Variants in SYT1 observed in about 807,000 individuals in gnomAD.
SYT1 encodes the protein synaptotagmin-1.
In SYT1, 8 loss-of-function variants were observed where a neutral mutation model predicts 44.8. The ratio of observed to expected loss-of-function variants is 0.18; its 90% confidence interval spans 0.10 to 0.32. The LOEUF (loss-of-function observed/expected upper bound fraction) is 0.32. SYT1 is among the 10% of genes least tolerant of loss of function. The pLI is 1.00. For synonymous variants in SYT1, 154 were observed against 188.8 expected, an observed-to-expected ratio of 0.82 and a Z score of 1.51; for missense variants, 286 against 509.3, an observed-to-expected ratio of 0.56 and a Z score of 4.22.
intron 3 of SYT1, among the ~76,000 whole-genome samples, chr12:79,109,031 T>C (rs1878868788): frequency 6.6e-6 from 1 of 152,084 alleles, no homozygotes; most frequent in Non-Finnish European, 1.5e-5. Flanking sequence ...AGGGCAGGGT[T>C]CAAGGAAAAG....
rs115518029 is a variant in SYT1 at position 79,255,976 on chromosome 12, G to T, written c.167-29811G>T. ...TGTGTAATCATAAATTAATTACCAA[G>T]ATTATGATTATCCCAATTTTAAACA... On this transcript the variant is annotated intron_variant, in intron 4 of 10. Transcript: ENST00000261205. Among the ~76,000 whole-genome samples the T allele has an allele frequency of 8.0e-3, 1,215 of 152,246 alleles. 11 individuals are homozygous for T. Among genetic ancestry groups the T allele is most frequent in the African/African-American group, 0.026 (1,088 of 41,540 alleles).
chr12:79,135,074 TATC>T (rs1249141798), intron 3 of SYT1, among the ~76,000 whole-genome samples: 4 of 152,134 alleles, frequency 2.6e-5, no homozygotes, highest in Admixed American at 6.5e-5. Flanking sequence ...TGTACTAAAA[TATC>T]ATGTTGTACA....
chr12:78,919,047 T>C (rs777996456), intron 1 of SYT1, among the ~76,000 whole-genome samples: 6 of 152,038 alleles, frequency 3.9e-5, no homozygotes, highest in Non-Finnish European at 5.9e-5. Context: ...AAAGCATTGA[T>C]GTGAAAACAA....
intron 3 of SYT1, among the ~76,000 whole-genome samples, chr12:79,052,378 T>C (rs1445174522): frequency 2.0e-5 from 3 of 152,096 alleles, no homozygotes; most frequent in African/African-American, 4.8e-5. Context: ...AAGACTTACA[T>C]GTTAGACCTA....
In SYT1 at chr12:78,894,612, G is replaced by A. The variant is rs537311555; in HGVS notation, c.-217+29503G>A. Among the ~76,000 whole-genome samples the A allele has an allele frequency of 2.6e-5, 4 of 151,574 alleles. No homozygotes were observed. The South Asian group carries it at 8.3e-4, about 31-fold the overall frequency. On this transcript the variant is annotated intron_variant, in intron 1 of 10. Transcript: ENST00000261205. ...AGTGCTTATCAGAGATCTTGGACAA[G>A]GATGACAACTCATTATGAGCTAGTT...
chr12:79,018,525 T>C (rs1245994718), intron 2 of SYT1, among the ~76,000 whole-genome samples: 1 of 152,054 alleles, frequency 6.6e-6, no homozygotes, highest in African/African-American at 2.4e-5. Context: ...ATTAAAGTCT[T>C]TCCTCTTATA....
intron 1 of SYT1, among the ~76,000 whole-genome samples, chr12:78,920,941 T>G (rs1247881139): frequency 1.3e-5 from 2 of 151,892 alleles, no homozygotes; most frequent in Non-Finnish European, 2.9e-5. Flanking sequence ...CAGTCAGACT[T>G]GAGTCCATAG....
chr12:79,199,674 C>A (rs1873666952), intron 3 of SYT1, among the ~76,000 whole-genome samples: 1 of 152,110 alleles, frequency 6.6e-6, no homozygotes, highest in African/African-American at 2.4e-5. Flanking sequence ...AGTTTACTCA[C>A]ATTTATGTTT....
At chr12:78,914,259 C>G (rs1876515079) in intron 1 of SYT1, among the ~76,000 whole-genome samples, 1 of 151,672 alleles carries the variant, frequency 6.6e-6, no homozygotes, top group Admixed American at 6.6e-5. Flanking sequence ...TGAAGATACC[C>G]TGGAAACTAT....
chr12:79,382,165 T>C (rs1008852403), intron 9 of SYT1, among the ~76,000 whole-genome samples: 2 of 152,194 alleles, frequency 1.3e-5, no homozygotes, highest in African/African-American at 4.8e-5. Flanking sequence ...TGCGAGTCTG[T>C]TGCTTTAGGG....
At position 79,313,223 on chromosome 12, in the gene SYT1, G is replaced by A. The variant is rs1880895206; in HGVS notation, c.810+13672G>A. 2.0e-5 allele frequency among the ~76,000 whole-genome samples: 3 copies of A among 152,178 alleles called. No individual in the cohort carries two copies. The South Asian group carries it at 6.2e-4, about 32-fold the overall frequency. On this transcript the variant is annotated intron_variant, in intron 8 of 10. Transcript: ENST00000261205. ...AGATAGCTTTTACAGTTTCACATGT[G>A]TACATAGGTTCCCTCCCAGTCCCTT...
chr12:79,449,392 C>CTGT lies in SYT1; in HGVS notation c.*272_*274dup, dbSNP rs762381841. Reference sequence around the variant, plus strand: ...GAATGAAATTATTTATTGTATCACACTGTTGTATATACCAGTATGCTAAAG... The same window carrying CTGT: ...GAATGAAATTATTTATTGTATCACACTGTTGTTGTATATACCAGTATGCTAAAG... On this transcript the variant is annotated 3_prime_UTR_variant, in exon 11 of 11. Coordinates refer to ENST00000261205, the MANE Select transcript of SYT1 (RefSeq NM_005639.3). 32 of 446,838 alleles carry CTGT rather than the reference C, an allele frequency of 7.2e-5. No homozygotes were observed. Among genetic ancestry groups the CTGT allele is most frequent in the Non-Finnish European group, 1.2e-4 (30 of 246,182 alleles). The allele number at this position is 446,838 out of a possible 1,614,324, so 27.7% of individuals were successfully genotyped here. A position where few individuals can be genotyped will look rare whatever the true frequency, so the allele number is the denominator to read the frequency against.
chr12:79,117,683 AT>A (rs1424713197), intron 3 of SYT1, among the ~76,000 whole-genome samples: 2 of 73,494 alleles, frequency 2.7e-5, no homozygotes, highest in Non-Finnish European at 5.6e-5. Flanking sequence ...ATATATATAT[AT>A]ATATATATAT....
At chr12:78,948,692 G>T (rs1243047287) in intron 1 of SYT1, among the ~76,000 whole-genome samples, 1 of 151,900 alleles carries the variant, frequency 6.6e-6, no homozygotes, top group Non-Finnish European at 1.5e-5. Flanking sequence ...ATCTGGTCAA[G>T]AATTCATTTT....
At chr12:79,283,869 G>T (rs1879173331) in intron 4 of SYT1, among the ~76,000 whole-genome samples, 1 of 151,106 alleles carries the variant, frequency 6.6e-6, no homozygotes, top group Admixed American at 6.6e-5. Context: ...ATGTCCTTAG[G>T]TTAACATCTA....
At chr12:78,953,418 A>G (rs1488736427) in intron 1 of SYT1, among the ~76,000 whole-genome samples, 1 of 152,014 alleles carries the variant, frequency 6.6e-6, no homozygotes. Context: ...TCACCTTTTT[A>G]TTTCCAGCAT....
chr12:79,133,254 C>T (rs752022319), intron 3 of SYT1, among the ~76,000 whole-genome samples: 1 of 152,084 alleles, frequency 6.6e-6, no homozygotes, highest in Non-Finnish European at 1.5e-5. Flanking sequence ...TGCAGTGGCT[C>T]ACACCTGTAA....
intron 9 of SYT1, among the ~76,000 whole-genome samples, chr12:79,363,799 A>G (rs1883424437): frequency 6.6e-6 from 1 of 151,520 alleles, no homozygotes; most frequent in African/African-American, 2.4e-5. Flanking sequence ...TACTGTTTCT[A>G]CTTGGTTCCT....
At chr12:79,389,468 A>G (rs1884568461) in intron 9 of SYT1, among the ~76,000 whole-genome samples, 2 of 152,212 alleles carry the variant, frequency 1.3e-5, no homozygotes, top group South Asian at 4.1e-4. Context: ...GCACTGTGCT[A>G]AGAATTTTAT....
Sources: gnomAD v4.1 joint callset for allele counts (sites outside exome capture counted in the v4.1 genomes callset) on GRCh38, gnomAD v4.1.1 for gene constraint, MANE v1.5 for transcripts, NCBI Gene and HGNC (gene_info 2026-07-23, HGNC 2026-07-21) for gene names.